LAP3: variants seen among roughly 807,000 people sequenced by gnomAD.
LAP3 encodes the protein leucine aminopeptidase 3.
Under a neutral mutation model 58.8 loss-of-function variants are expected in LAP3, and 46 were observed. The ratio of observed to expected loss-of-function variants is 0.78; its 90% CI spans 0.62 to 1.00. The LOEUF is 1.00. Among genes scored for constraint, LAP3 ranks in the 50% least tolerant of loss-of-function variants. LAP3 has a pLI of 0.00. For missense variants in LAP3, 615 were observed against 659.1 expected, an observed-to-expected ratio of 0.93 and a Z score of 0.73; for synonymous variants, 257 against 237.7, an observed-to-expected ratio of 1.08 and a Z score of -0.75.
At chr4:17,580,861 C>A (rs1237770554) in intron 2 of LAP3, among the ~76,000 whole-genome samples, 1 of 152,172 alleles carries the variant, frequency 6.6e-6, no homozygotes, top group Admixed American at 6.5e-5. Flanking sequence ...TAAACCACTG[C>A]AACTATGTAT....
rs1266108121 is a variant in LAP3, at chr4:17,581,796, C to A, written c.255C>A (p.Thr85=). ...CTCTGAAGGCAGGGAAGACTCGAAC[C>A]TTTTATGGTCTGCATCAGGTATGAG... ...GPPLKAGKTR[T]FYGLHQDFPS... Residue 85 remains threonine, a synonymous_variant, in exon 3 of 13, where the codon ACC becomes ACA. Coordinates refer to ENST00000226299, the MANE Select transcript of LAP3 (RefSeq NM_015907.3). The A allele has an allele frequency of 6.2e-7, 1 of 1,613,572 alleles. No individual in the cohort carries two copies. The highest frequency in any genetic ancestry group is 2.2e-5 in the East Asian group (1 of 44,874).
chr4:17,584,738 G>A, intron 5 of LAP3: 1 of 371,328 alleles, frequency 2.7e-6, no homozygotes, highest in Non-Finnish European at 4.9e-6. Context: ...GGAAGTGCCT[G>A]ACCGGATACC....
chr4:17,589,825 C>T (rs1175621281), intron 7 of LAP3, among the ~76,000 whole-genome samples: 2 of 152,192 alleles, frequency 1.3e-5, no homozygotes, highest in Admixed American at 6.5e-5. Context: ...AGATTCTCCA[C>T]GAGGTTAGTG....
Position 17,582,323 on chromosome 4 carries a change from A to C in LAP3, c.309A>C (p.Lys103Asn). The C allele has an allele frequency of 6.2e-7, 1 of 1,614,206 alleles. No individual in the cohort carries two copies. Among genetic ancestry groups the C allele is most frequent in the Non-Finnish European group, 8.5e-7 (1 of 1,180,036 alleles). Residue 103 changes from lysine to asparagine, a missense_variant, in exon 4 of 13, where the codon AAA (lysine) becomes AAC (asparagine). Coordinates refer to ENST00000226299, the MANE Select transcript of LAP3 (RefSeq NM_015907.3). ...GCGTGGTGCTAGTTGGCCTCGGCAAAAAGGCAGCTGGAATCGACGAACAGG... is the reference window on the plus strand; with the variant it reads ...GCGTGGTGCTAGTTGGCCTCGGCAACAAGGCAGCTGGAATCGACGAACAGG... ...FPSVVLVGLG[K>N]KAAGIDEQEN... is the part of the protein sequence containing the mutation.
rs565303202 is a variant in LAP3 at position 17,581,613 on chromosome 4, C to T, written c.219-147C>T. The T allele has an allele frequency of 2.0e-5, 12 of 593,914 alleles. No homozygotes were observed. In the South Asian group the frequency reaches 2.3e-4, roughly 12 times the overall value. 36.8% of individuals were successfully genotyped at this position (593,914 alleles called of 1,614,324 possible). On this transcript the variant is annotated intron_variant, in intron 2 of 12. Transcript: ENST00000226299. Reference sequence around the variant, plus strand: ...AAAAGAAAGAAATCTGGCTTGAGAGCATTCTGTATTTGGATAAAAACATAA... The same window carrying T: ...AAAAGAAAGAAATCTGGCTTGAGAGTATTCTGTATTTGGATAAAAACATAA...
chr4:17,604,621 C>G lies in LAP3; in HGVS notation c.1214C>G (p.Thr405Ser). ...GATGTAGCTTTGGGATCAGGTGCCACTGGGGTCTTTACCAATTCATCCTGG... is the reference window on the plus strand; with the variant it reads ...GATGTAGCTTTGGGATCAGGTGCCAGTGGGGTCTTTACCAATTCATCCTGG... Reference protein sequence around the residue: ...AMDVALGSGATGVFTNSSWLW... With the variant: ...AMDVALGSGASGVFTNSSWLW... Residue 405 changes from threonine (T) to serine (S), a missense_variant, in exon 11 of 13, where the codon ACT becomes AGT. Transcript: ENST00000226299. The G allele has an allele frequency of 6.2e-7, 1 of 1,614,054 alleles. No individual in the cohort carries two copies.
chr4:17,585,224 G>C, intron 6 of LAP3, 88 bp downstream of exon 6: 2 of 1,112,612 alleles, frequency 1.8e-6, no homozygotes, highest in South Asian at 2.8e-5. Flanking sequence ...ACTTTTTAGA[G>C]GAATAACTTG....
chr4:17,603,488 T>C (rs967944531), intron 10 of LAP3, among the ~76,000 whole-genome samples: 2 of 148,556 alleles, frequency 1.3e-5, no homozygotes, highest in Non-Finnish European at 3.0e-5. Flanking sequence ...TGAGACCCCA[T>C]CTCTACAGCA....
At chr4:17,596,396 A>G (rs559490448) in intron 8 of LAP3, among the ~76,000 whole-genome samples, 26 of 151,988 alleles carry the variant, frequency 1.7e-4, no homozygotes, top group African/African-American at 5.5e-4. Context: ...CTGGAGTGCA[A>G]TGGCGCGATC....
At chr4:17,590,622 A>G (rs1239096974) in intron 7 of LAP3, among the ~76,000 whole-genome samples, 2 of 151,252 alleles carry the variant, frequency 1.3e-5, no homozygotes, top group African/African-American at 2.4e-5. Context: ...CCCAGGCTGG[A>G]GTGCAGTGGC....
In LAP3 at chr4:17,595,480, A is replaced by G. The variant is rs1351899176; in HGVS notation, c.934A>G (p.Ile312Val). The G allele has an allele frequency of 1.2e-6, 2 of 1,614,016 alleles. No individual in the cohort carries two copies. Among genetic ancestry groups the G allele is most frequent in the African/African-American group, 1.3e-5 (1 of 75,056 alleles). ...MRADMGGAAT[I>V]CSAIVSAAKL... ...GGCTGACATGGGAGGAGCTGCAACT[A>G]TATGCTCAGCCATCGTGTCTGCTGC... The change falls in exon 8 of 13, where the codon ATA (isoleucine) becomes GTA (valine). Residue 312 changes from isoleucine (I) to valine (V), a missense_variant. Coordinates refer to ENST00000226299, the MANE Select transcript of LAP3 (RefSeq NM_015907.3).
chr4:17,588,557 T>C (rs1301133533), intron 6 of LAP3, among the ~76,000 whole-genome samples: 1 of 152,234 alleles, frequency 6.6e-6, no homozygotes, highest in Non-Finnish European at 1.5e-5. Context: ...GTACCACACA[T>C]GACTTCTCTT....
At chr4:17,604,699 G>A in intron 11 of LAP3, 32 bp downstream of exon 11, 2 of 1,447,166 alleles carry the variant, frequency 1.4e-6, no homozygotes, top group South Asian at 1.1e-5. Context: ...CTAAATTGTA[G>A]AGATGGTGAA....
At chr4:17,583,087 A>G (rs1450433421) in intron 4 of LAP3, among the ~76,000 whole-genome samples, 4 of 152,206 alleles carry the variant, frequency 2.6e-5, no homozygotes, top group Admixed American at 2.6e-4. Context: ...GACTTTGCTC[A>G]GTTCTTTGGA....
At chr4:17,578,687 AG>A (rs913141927) in intron 1 of LAP3, among the ~76,000 whole-genome samples, 18 of 152,238 alleles carry the variant, frequency 1.2e-4, no homozygotes, top group Non-Finnish European at 8.8e-5. Flanking sequence ...GCCGTGCAAA[AG>A]TAAATACTAA....
chr4:17,607,706 T>G lies in LAP3; in HGVS notation c.*117T>G. 1.3e-6 allele frequency: 1 copy of G among 757,380 alleles called. No individual in the cohort carries two copies. The highest frequency in any genetic ancestry group is 2.0e-6 in the Non-Finnish European group (1 of 496,762). The allele number at this position is 757,380 out of a possible 1,614,324, so 46.9% of individuals were successfully genotyped here. A position where few individuals can be genotyped will look rare whatever the true frequency, so the allele number is the denominator to read the frequency against. The stretch of plus-strand genomic sequence containing the variant: ...AGACAAAGGATGGTATTTAAAAATG[T>G]AGAACACAATGAAATTTGTATGCCT... On this transcript the variant is annotated 3_prime_UTR_variant, in exon 13 of 13. Coordinates refer to ENST00000226299, the MANE Select transcript of LAP3 (RefSeq NM_015907.3).
intron 3 of LAP3, 50 bp downstream of exon 3, chr4:17,581,864 T>A: frequency 7.1e-7 from 1 of 1,402,520 alleles, no homozygotes; most frequent in Non-Finnish European, 1.0e-6. Context: ...GCATCTACTG[T>A]ACACCAAGTA....
chr4:17,577,304 C>G lies in LAP3; in HGVS notation c.-162C>G. On this transcript the variant is annotated 5_prime_UTR_variant, in exon 1 of 13. Transcript: ENST00000226299. ...ATCCCAGCGGTCCAGTCGGCCGGTG[C>G]TGCCCATCCGTCCCGCCCCCTAGAC... 4.4e-6 allele frequency: 1 copy of G among 229,252 alleles called. No individual in the cohort carries two copies. Among genetic ancestry groups the G allele is most frequent in the Admixed American group, 1.5e-4 (1 of 6,478 alleles). The allele number at this position is 229,252 out of a possible 1,614,324, so 14.2% of individuals were successfully genotyped here. A position where few individuals can be genotyped will look rare whatever the true frequency, so the allele number is the denominator to read the frequency against.
At chr4:17,595,685 T>A in intron 8 of LAP3, 151 bp downstream of exon 8, 1 of 900,438 alleles carries the variant, frequency 1.1e-6, no homozygotes, top group Non-Finnish European at 1.7e-6. Context: ...CCCAGATAAG[T>A]GTTTTACTGT....
Sources: allele counts gnomAD v4.1 joint callset (sites outside exome capture counted in the v4.1 genomes callset), GRCh38; gene constraint gnomAD v4.1.1; transcripts MANE v1.5; gene names NCBI Gene and HGNC (gene_info 2026-07-23, HGNC 2026-07-21).